The following UNC5C variants were observed in gnomAD, a reference collection of about 807,000 sequenced individuals.
UNC5C encodes the protein unc-5 netrin receptor C, also known as netrin receptor UNC5C.
In UNC5C, 47 loss-of-function variants were observed where a neutral mutation model predicts 99.8. That is an observed-to-expected ratio of 0.47 (90% CI 0.37 to 0.60). The LOEUF (loss-of-function observed/expected upper bound fraction) is 0.60. Ranked by LOEUF, UNC5C falls within the 20% of genes least tolerant of loss-of-function variation. The pLI is 0.00. For synonymous variants in UNC5C, 487 were observed against 452.2 expected (o/e 1.08, Z -0.98); for missense variants, 1,062 against 1,165.9 (o/e 0.91, Z 1.30).
At chr4:95,297,174 T>C (rs1172886847) in intron 3 of UNC5C, among the ~76,000 whole-genome samples, 1 of 152,144 alleles carries the variant, frequency 6.6e-6, no homozygotes, top group Non-Finnish European at 1.5e-5. Flanking sequence ...TCATCACGTG[T>C]TGTATTTGCT....
chr4:95,363,371 G>A (rs944598046), intron 1 of UNC5C, among the ~76,000 whole-genome samples: 4 of 152,128 alleles, frequency 2.6e-5, no homozygotes, highest in African/African-American at 7.2e-5. Context: ...CGGGCAGTGG[G>A]AGATTCATTG....
chr4:95,173,995 TC>T (rs1325081474), intron 14 of UNC5C, among the ~76,000 whole-genome samples: 3 of 152,196 alleles, frequency 2.0e-5, no homozygotes, highest in Non-Finnish European at 4.4e-5. Flanking sequence ...GAGGAATTTA[TC>T]CATTTCTTCT....
intron 12 of UNC5C, among the ~76,000 whole-genome samples, chr4:95,190,438 A>C (rs1429538521): frequency 6.6e-6 from 1 of 152,208 alleles, no homozygotes; most frequent in Non-Finnish European, 1.5e-5. Context: ...ATGTATACAT[A>C]TGTAACAAAC....
At chr4:95,204,510 C>A (rs1737804139) in intron 11 of UNC5C, among the ~76,000 whole-genome samples, 1 of 152,216 alleles carries the variant, frequency 6.6e-6, no homozygotes, top group African/African-American at 2.4e-5. Flanking sequence ...GGAATGCAGG[C>A]CAAGTATGGA....
At chr4:95,360,953 C>A (rs1035688617) in intron 1 of UNC5C, among the ~76,000 whole-genome samples, 3 of 152,078 alleles carry the variant, frequency 2.0e-5, no homozygotes, top group African/African-American at 7.2e-5. Context: ...TGAGTATATG[C>A]GGTTATTTTT....
chr4:95,375,379 G>A (rs937146613), intron 1 of UNC5C, among the ~76,000 whole-genome samples: 2 of 151,936 alleles, frequency 1.3e-5, no homozygotes, highest in Admixed American at 1.3e-4. Context: ...CTTCCAAACA[G>A]GGTAAAAAAA....
chr4:95,391,928 A>T lies in UNC5C; in HGVS notation c.125-56297T>A, dbSNP rs368851073. 2.4e-4 allele frequency among the ~76,000 whole-genome samples: 36 copies of T among 152,112 alleles called. No homozygotes were observed. In the South Asian group the frequency reaches 5.8e-3, roughly 25 times the overall value. ...CCCAGCTCTAGCTGACCCCTGGCAC[A>T]CCCCTGTCGTCCCAGCTACTCTGAA... On this transcript the variant is annotated intron_variant, in intron 1 of 15. Transcript: ENST00000453304.
At chr4:95,408,618 T>G (rs77602598) in intron 1 of UNC5C, among the ~76,000 whole-genome samples, 1 of 152,128 alleles carries the variant, frequency 6.6e-6, no homozygotes, top group Non-Finnish European at 1.5e-5. Flanking sequence ...CACTGAACCG[T>G]TTAATAAGAA....
intron 7 of UNC5C, among the ~76,000 whole-genome samples, chr4:95,221,629 C>T (rs1040968310): frequency 1.3e-5 from 2 of 152,134 alleles, no homozygotes; most frequent in Non-Finnish European, 2.9e-5. Flanking sequence ...TAATTTTCTT[C>T]CCAACATTTC....
At chr4:95,348,276 G>A (rs1243902140) in intron 1 of UNC5C, among the ~76,000 whole-genome samples, 1 of 151,906 alleles carries the variant, frequency 6.6e-6, no homozygotes, top group Admixed American at 6.6e-5. Context: ...ATGCTGGAAA[G>A]GATGTGGAGA....
chr4:95,184,675 G>A (rs932700217), intron 13 of UNC5C, among the ~76,000 whole-genome samples: 2 of 152,158 alleles, frequency 1.3e-5, no homozygotes, highest in Non-Finnish European at 2.9e-5. Flanking sequence ...GCCTAGGAAG[G>A]CTGAAGCCTA....
intron 1 of UNC5C, among the ~76,000 whole-genome samples, chr4:95,350,118 C>T (rs1743931542): frequency 6.6e-6 from 1 of 152,140 alleles, no homozygotes; most frequent in African/African-American, 2.4e-5. Flanking sequence ...TAGTACTTGA[C>T]ATTCACTTTA....
chr4:95,195,814 A>G (rs1737356767), intron 12 of UNC5C, among the ~76,000 whole-genome samples: 1 of 151,884 alleles, frequency 6.6e-6, no homozygotes, highest in Admixed American at 6.6e-5. Context: ...ACATAATACA[A>G]GCTTTCACAG....
chr4:95,387,471 T>C (rs1176538954), intron 1 of UNC5C, among the ~76,000 whole-genome samples: 2 of 152,122 alleles, frequency 1.3e-5, no homozygotes, highest in African/African-American at 2.4e-5. Flanking sequence ...TCTTTAAGAA[T>C]AAATGGCCAT....
intron 1 of UNC5C, among the ~76,000 whole-genome samples, chr4:95,461,791 G>A (rs923250097): frequency 1.3e-5 from 2 of 152,194 alleles, no homozygotes; most frequent in African/African-American, 2.4e-5. Context: ...TCAATCAGAG[G>A]TGATGCGTGG....
intron 3 of UNC5C, among the ~76,000 whole-genome samples, chr4:95,288,932 A>T (rs1741341284): frequency 6.6e-6 from 1 of 152,194 alleles, no homozygotes; most frequent in Non-Finnish European, 1.5e-5. Flanking sequence ...AATTCCAGAG[A>T]TTAGGACCTG....
At chr4:95,328,937 A>G (rs888095848) in intron 2 of UNC5C, among the ~76,000 whole-genome samples, 2 of 152,106 alleles carry the variant, frequency 1.3e-5, no homozygotes, top group African/African-American at 2.4e-5. Flanking sequence ...CCTCACCTGC[A>G]TGCTCCCCCT....
At chr4:95,282,796 A>G (rs1741106775) in intron 3 of UNC5C, among the ~76,000 whole-genome samples, 1 of 152,196 alleles carries the variant, frequency 6.6e-6, no homozygotes, top group South Asian at 2.1e-4. Context: ...ATGATCACAC[A>G]AGGTAGGTTA....
intron 1 of UNC5C, among the ~76,000 whole-genome samples, chr4:95,407,181 A>C (rs1431346443): frequency 6.6e-6 from 1 of 152,214 alleles, no homozygotes; most frequent in Non-Finnish European, 1.5e-5. Flanking sequence ...CTAAAGTTTT[A>C]GATTATAAAG....
Sources: allele counts gnomAD v4.1 joint callset (sites outside exome capture counted in the v4.1 genomes callset), GRCh38; gene constraint gnomAD v4.1.1; transcripts MANE v1.5; gene names NCBI Gene and HGNC (gene_info 2026-07-23, HGNC 2026-07-21).